The following C3 variants were observed in gnomAD, a reference collection of about 807,000 sequenced individuals.
The protein encoded by C3 is C3 and PZP-like alpha-2-macroglobulin domain-containing protein 1.
C3 carries 97 observed loss-of-function variants against 207.9 expected under a neutral mutation model. The ratio of observed to expected loss-of-function variants is 0.47; its 90% confidence interval spans 0.40 to 0.55. C3 has a LOEUF of 0.55. Ranked by LOEUF, C3 falls within the 20% of genes least tolerant of loss-of-function variation. C3 has a pLI of 0.00. For missense variants in C3, 1,684 were observed against 2,171.7 expected (o/e 0.78, Z 4.46); for synonymous variants, 848 against 857.6 (o/e 0.99, Z 0.20).
rs1967917202 is a variant in C3 at position 6,711,200 on chromosome 19, G to A, written c.1270-4C>T. 1.4e-5 allele frequency: 22 copies of A among 1,611,268 alleles called. No individual in the cohort carries two copies. The highest frequency in any genetic ancestry group is 1.9e-5 in the Non-Finnish European group (22 of 1,179,818). On this transcript the variant is annotated splice_region_variant and splice_polypyrimidine_tract_variant and intron_variant, in intron 11 of 40. Transcript: ENST00000245907. ...GCTCCTGCTTCTTCGTGCGCACCTG[G>A]GTGGGGAAAGAGGGATGCCTGCTGG... is the stretch of plus-strand genomic sequence containing the variant.
At chr19:6,706,806 C>A (rs11569437) in intron 17 of C3, among the ~76,000 whole-genome samples, 1 of 148,036 alleles carries the variant, frequency 6.8e-6, no homozygotes, top group African/African-American at 2.5e-5. Context: ...CCTCCTCAGA[C>A]GGGGACCTCC....
At chr19:6,685,198 T>C (rs1917972595) in intron 29 of C3, 52 bp from the exon 30 acceptor site, 1 of 1,545,702 alleles carries the variant, frequency 6.5e-7, no homozygotes, top group African/African-American at 1.4e-5. Context: ...GGAAAGTGGC[T>C]AGAATCCAGT....
Position 6,680,291 on chromosome 19 carries a change from T to A in C3, c.4351-28A>T, listed in dbSNP as rs748167506. On this transcript the variant is annotated intron_variant, in intron 35 of 40. Coordinates refer to ENST00000245907, the MANE Select transcript of C3 (RefSeq NM_000064.4). Reference sequence around the variant, plus strand: ...GAGGGGGAAGGAGGAGCTTGGTCAGTGGGGTGATGTGGGAGGGAGTCCAGC... The same window carrying A: ...GAGGGGGAAGGAGGAGCTTGGTCAGAGGGGTGATGTGGGAGGGAGTCCAGC... 92 of 1,188,260 alleles carry A rather than the reference T, an allele frequency of 7.7e-5. No homozygotes were observed. In the African/African-American group the frequency reaches 1.2e-3, roughly 15 times the overall value. The allele number at this position is 1,188,260 out of a possible 1,614,324, so 73.6% of individuals were successfully genotyped here.
intron 21 of C3, among the ~76,000 whole-genome samples, chr19:6,696,933 T>TCGGGAGGCTGAGG (rs1967545340): frequency 1.3e-5 from 2 of 150,190 alleles, no homozygotes; most frequent in South Asian, 4.2e-4. Flanking sequence ...TCCCAGCTAC[T>TCGGGAGGCTGAGG]CGGGAGGCTG....
At chr19:6,690,792 C>G in intron 26 of C3, 65 bp from the exon 27 acceptor site, 3 of 1,274,164 alleles carry the variant, frequency 2.4e-6, no homozygotes, top group Non-Finnish European at 3.4e-6. Context: ...AGTCATCCCC[C>G]CTTGCAGATT....
chr19:6,702,974 C>A, intron 17 of C3: 1 of 300,052 alleles, frequency 3.3e-6, no homozygotes, highest in Non-Finnish European at 6.5e-6. Context: ...GTGGAGGTTG[C>A]AGTGAGCTGA....
At chr19:6,700,603 T>C (rs1269916823) in intron 19 of C3, among the ~76,000 whole-genome samples, 6 of 51,340 alleles carry the variant, frequency 1.2e-4, no homozygotes, top group Middle Eastern at 0.018. Context: ...ATATATGATA[T>C]ATTATATATG....
At chr19:6,692,463 A>G (rs1918192499) in intron 26 of C3, among the ~76,000 whole-genome samples, 1 of 152,196 alleles carries the variant, frequency 6.6e-6, no homozygotes, top group Non-Finnish European at 1.5e-5. Flanking sequence ...GAGAGCCAAC[A>G]AAAGTGGGAG....
intron 4 of C3, among the ~76,000 whole-genome samples, chr19:6,715,120 T>A (rs939151001): frequency 3.3e-5 from 5 of 151,812 alleles, no homozygotes; most frequent in African/African-American, 1.2e-4. Flanking sequence ...TTAAACATCA[T>A]GAGACATCAT....
intron 36 of C3, among the ~76,000 whole-genome samples, chr19:6,679,796 C>T (rs1917813441): frequency 6.6e-6 from 1 of 152,002 alleles, no homozygotes; most frequent in African/African-American, 2.4e-5. Context: ...CCCTTATTTT[C>T]AGAACCCCCT....
At chr19:6,679,645 C>T (rs897336479) in intron 36 of C3, 149 bp from the exon 37 acceptor site, 41 of 704,976 alleles carry the variant, frequency 5.8e-5, no homozygotes, top group Non-Finnish European at 7.8e-5. Context: ...AAGACCCCCT[C>T]TACTTTCTGA....
intron 38 of C3, 78 bp downstream of exon 38, chr19:6,679,047 A>G: frequency 8.8e-7 from 1 of 1,140,550 alleles, no homozygotes; most frequent in Admixed American, 1.7e-5. Context: ...CCACACCATG[A>G]CAACCACACC....
chr19:6,697,205 T>C lies in C3; in HGVS notation c.2796+139A>G, dbSNP rs540303798. On this transcript the variant is annotated intron_variant, in intron 21 of 40. Coordinates refer to ENST00000245907, the MANE Select transcript of C3 (RefSeq NM_000064.4). Reference sequence around the variant, plus strand: ...CCAATCCTGGCTCTGCTTCTGAAATTCTGGGACTTCCAAATTTCCTAAGCT... The same window carrying C: ...CCAATCCTGGCTCTGCTTCTGAAATCCTGGGACTTCCAAATTTCCTAAGCT... 330 of 591,850 alleles carry C rather than the reference T, an allele frequency of 5.6e-4. 7 individuals carry two copies. The highest frequency in any genetic ancestry group is 5.2e-3 in the South Asian group (322 of 62,324). 36.7% of individuals were successfully genotyped at this position (591,850 alleles called of 1,614,324 possible). A position where few individuals can be genotyped will look rare whatever the true frequency, so the allele number is the denominator to read the frequency against.
At position 6,677,909 on chromosome 19, in the gene C3, G is replaced by A; in HGVS notation, c.4965C>T (p.Ser1655=). The A allele has an allele frequency of 6.2e-7, 1 of 1,614,104 alleles. No individual in the cohort carries two copies. Among genetic ancestry groups the A allele is most frequent in the African/African-American group, 1.3e-5 (1 of 75,044 alleles). The part of the protein sequence containing the change: ...QCQDLGAFTE[S]MVVFGCPN ...AGTTGGGGCACCCAAAGACAACCAT[G>A]CTCTCGGTGAAGGCGCCGAGGTCCT... Residue 1655 remains serine, a synonymous_variant, in exon 41 of 41, where the codon AGC becomes AGT. Coordinates refer to ENST00000245907, the MANE Select transcript of C3 (RefSeq NM_000064.4).
At chr19:6,709,414 C>T (rs181228311) in intron 14 of C3, among the ~76,000 whole-genome samples, 94 of 152,202 alleles carry the variant, frequency 6.2e-4, no homozygotes, top group Admixed American at 6.2e-3. Flanking sequence ...TGCCACTGCA[C>T]TCCAGCCTGG....
At chr19:6,693,935 C>T (rs547629254) in intron 24 of C3, among the ~76,000 whole-genome samples, 45 of 143,254 alleles carry the variant, frequency 3.1e-4, no homozygotes, top group African/African-American at 1.2e-3. Context: ...TGGGAGGAGT[C>T]AGGGCCTCAG....
chr19:6,677,736 G>T lies in C3; in HGVS notation c.*146C>A. ...GCAGGCGAACGCCAGGAGAAAATGC[G>T]GTGGGAACAGGTGAGGTTTCAAGTA... is the stretch of plus-strand genomic sequence containing the variant. On this transcript the variant is annotated 3_prime_UTR_variant, in exon 41 of 41. Transcript: ENST00000245907. 2.0e-6 allele frequency: 2 copies of T among 993,996 alleles called. No homozygotes were observed. The highest frequency in any genetic ancestry group is 3.0e-6 in the Non-Finnish European group (2 of 669,910). The allele number at this position is 993,996 out of a possible 1,614,324, so 61.6% of individuals were successfully genotyped here. A position where few individuals can be genotyped will look rare whatever the true frequency, so the allele number is the denominator to read the frequency against.
chr19:6,678,611 A>G lies in C3; in HGVS notation c.4631-156T>C, dbSNP rs11569563. On this transcript the variant is annotated intron_variant, in intron 38 of 40. Coordinates refer to ENST00000245907, the MANE Select transcript of C3 (RefSeq NM_000064.4). ...CTATGGCCCACCCCTCATTACACAC[A>G]CAACCATAGAGGGTCCCATGTCACC... is the stretch of plus-strand genomic sequence containing the variant. 6.8e-4 allele frequency among the ~76,000 whole-genome samples: 103 copies of G among 152,132 alleles called. 2 individuals are homozygous for G. The East Asian group carries it at 0.016, about 23-fold the overall frequency.
At chr19:6,695,991 C>T (rs1204787599) in intron 23 of C3, among the ~76,000 whole-genome samples, 2 of 151,662 alleles carry the variant, frequency 1.3e-5, no homozygotes, top group African/African-American at 4.8e-5. Context: ...GGGTGGATCA[C>T]GAGGTCAGGA....
Sources: allele counts gnomAD v4.1 joint callset (sites outside exome capture counted in the v4.1 genomes callset), GRCh38; gene constraint gnomAD v4.1.1; transcripts MANE v1.5; gene names NCBI Gene and HGNC (gene_info 2026-07-23, HGNC 2026-07-21).